NRG3: variants seen among roughly 807,000 people sequenced by gnomAD.
The protein encoded by NRG3 is pro-neuregulin-3, membrane-bound isoform.
NRG3 carries 31 observed loss-of-function variants against 66.9 expected under a neutral mutation model. The ratio of observed to expected loss-of-function variants is 0.46; its 90% CI spans 0.35 to 0.63. The LOEUF (loss-of-function observed/expected upper bound fraction) is 0.63, where lower values mean the gene tolerates loss of function less well. NRG3 is among the 20% of genes least tolerant of loss of function. The probability of loss-of-function intolerance (pLI) is 0.00; values close to 1 mark genes in which losing one functional copy is unlikely to be tolerated. For synonymous variants in NRG3, 393 were observed against 359.4 expected (o/e 1.09, Z -1.06); for missense variants, 910 against 878.9 (o/e 1.04, Z -0.45).
chr10:82,694,492 C>T (rs2055213188), intron 2 of NRG3, among the ~76,000 whole-genome samples: 1 of 152,140 alleles, frequency 6.6e-6, no homozygotes, highest in Non-Finnish European at 1.5e-5. Flanking sequence ...CAGTGGCTCA[C>T]TCCTGTAATC....
chr10:82,696,037 A>G (rs2055354965), intron 2 of NRG3, among the ~76,000 whole-genome samples: 1 of 152,118 alleles, frequency 6.6e-6, no homozygotes. Context: ...TGGATGCAAC[A>G]TTTCTTCAAT....
chr10:82,948,248 G>T (rs535157971), intron 4 of NRG3, among the ~76,000 whole-genome samples: 1 of 152,108 alleles, frequency 6.6e-6, no homozygotes, highest in Non-Finnish European at 1.5e-5. Context: ...TTATATTTCA[G>T]AACGCTTTTA....
intron 3 of NRG3, among the ~76,000 whole-genome samples, chr10:82,767,755 G>T (rs503555): frequency 0.8 from 122,114 of 151,906 alleles, 49,197 homozygotes; most frequent in Admixed American, 0.85. Flanking sequence ...GATATCAGAT[G>T]TCTCCTTTCC....
intron 2 of NRG3, among the ~76,000 whole-genome samples, chr10:82,698,472 A>T (rs1420313805): frequency 6.6e-6 from 1 of 152,186 alleles, no homozygotes; most frequent in Admixed American, 6.6e-5. Context: ...AAAATAACTT[A>T]CAATTGCAAA....
chr10:82,536,586 T>C (rs1847836901), intron 2 of NRG3, among the ~76,000 whole-genome samples: 1 of 152,192 alleles, frequency 6.6e-6, no homozygotes, highest in African/African-American at 2.4e-5. Context: ...AAAACTTTGG[T>C]GATCGACATG....
Position 81,882,698 on chromosome 10 carries a change from T to A in NRG3, c.823+6535T>A, listed in dbSNP as rs550145081. 4.1e-4 allele frequency among the ~76,000 whole-genome samples: 62 copies of A among 152,342 alleles called. 1 individual carries two copies. In the South Asian group the frequency reaches 0.012, roughly 30 times the overall value. Reference sequence around the variant, plus strand: ...ATTTTCATCCAAGAGCACATCAGACTATTGAATTCGGTTGAAATATTGGAG... The same window carrying A: ...ATTTTCATCCAAGAGCACATCAGACAATTGAATTCGGTTGAAATATTGGAG... On this transcript the variant is annotated intron_variant, in intron 1 of 8. Transcript: ENST00000372141.
chr10:81,910,986 A>G (rs1022180355), intron 1 of NRG3, among the ~76,000 whole-genome samples: 1 of 152,122 alleles, frequency 6.6e-6, no homozygotes, highest in Non-Finnish European at 1.5e-5. Flanking sequence ...ATTTTTCCAT[A>G]AGATTTCTCC....
chr10:82,871,284 C>CTT (rs34420488), intron 4 of NRG3, among the ~76,000 whole-genome samples: 1 of 146,316 alleles, frequency 6.8e-6, no homozygotes, highest in East Asian at 2.0e-4. Flanking sequence ...AACTATTTGT[C>CTT]TTTTTTTTTT....
intron 4 of NRG3, among the ~76,000 whole-genome samples, chr10:82,890,127 G>GTT (rs35591529): frequency 0.046 from 6,294 of 138,068 alleles, 182 homozygotes; most frequent in Middle Eastern, 0.095. Context: ...GATCTGCTAA[G>GTT]TTTTTTTTTT....
chr10:82,310,184 G>A (rs2080949855), intron 1 of NRG3, among the ~76,000 whole-genome samples: 1 of 152,136 alleles, frequency 6.6e-6, no homozygotes, highest in African/African-American at 2.4e-5. Context: ...CGACATTGCT[G>A]CAATATCATT....
chr10:82,601,674 G>A (rs2047639190), intron 2 of NRG3, among the ~76,000 whole-genome samples: 2 of 151,144 alleles, frequency 1.3e-5, no homozygotes, highest in South Asian at 4.2e-4. Flanking sequence ...TAATTTCTCG[G>A]TGGACCTTCC....
rs73309848 is a variant in NRG3, at chr10:82,523,188, T to C, written c.953+164320T>C. The stretch of plus-strand genomic sequence containing the variant: ...GATGGACATTTGAGTTATTTCACAT[T>C]TTGGCTATTATGAATAATGCTGCTA... On this transcript the variant is annotated intron_variant, in intron 2 of 8. Coordinates refer to ENST00000372141, the MANE Select transcript of NRG3 (RefSeq NM_001010848.4). 4.5e-3 allele frequency among the ~76,000 whole-genome samples: 679 copies of C among 152,314 alleles called. 5 individuals are homozygous for C. Among genetic ancestry groups the C allele is most frequent in the African/African-American group, 0.016 (654 of 41,582 alleles).
chr10:82,171,713 G>A (rs961950524), intron 1 of NRG3, among the ~76,000 whole-genome samples: 2 of 152,084 alleles, frequency 1.3e-5, no homozygotes, highest in African/African-American at 2.4e-5. Flanking sequence ...ATGCCTGGCT[G>A]CTTACATAAC....
chr10:82,092,501 CA>C (rs2066084940), intron 1 of NRG3, among the ~76,000 whole-genome samples: 2 of 151,698 alleles, frequency 1.3e-5, no homozygotes, highest in Admixed American at 1.3e-4. Context: ...AATCTTCAGT[CA>C]TCTGTCATGT....
At chr10:82,069,799 A>G (rs1487715981) in intron 1 of NRG3, among the ~76,000 whole-genome samples, 1 of 152,190 alleles carries the variant, frequency 6.6e-6, no homozygotes, top group African/African-American at 2.4e-5. Flanking sequence ...TGGTAAATTA[A>G]TTGGTACAAA....
chr10:82,862,705 C>T lies in NRG3; in HGVS notation c.1028-2706C>T, dbSNP rs1008860664. Among the ~76,000 whole-genome samples the T allele has an allele frequency of 1.1e-4, 17 of 152,074 alleles. No homozygotes were observed. In the East Asian group the frequency reaches 1.2e-3, roughly 10 times the overall value. On this transcript the variant is annotated intron_variant, in intron 3 of 8. Coordinates refer to ENST00000372141, the MANE Select transcript of NRG3 (RefSeq NM_001010848.4). ...GTTGCACCTCACTTTGCAATACTTTCGCTTTGATATAAACTTCTTTGTCTA... is the reference window on the plus strand; with the variant it reads ...GTTGCACCTCACTTTGCAATACTTTTGCTTTGATATAAACTTCTTTGTCTA...
At chr10:82,290,457 A>T (rs1335751881) in intron 1 of NRG3, among the ~76,000 whole-genome samples, 1 of 152,194 alleles carries the variant, frequency 6.6e-6, no homozygotes, top group Non-Finnish European at 1.5e-5. Context: ...CAATGAACTA[A>T]CGTGATTTTC....
intron 2 of NRG3, among the ~76,000 whole-genome samples, chr10:82,585,545 C>T (rs1004706848): frequency 3.3e-5 from 5 of 152,124 alleles, no homozygotes; most frequent in African/African-American, 4.8e-5. Flanking sequence ...CCCTCTTCTC[C>T]GGCTACACAG....
At chr10:82,892,665 C>CAATAAATAAATA (rs369613241) in intron 4 of NRG3, among the ~76,000 whole-genome samples, 60 of 146,636 alleles carry the variant, frequency 4.1e-4, no homozygotes, top group African/African-American at 8.6e-4. Context: ...TAACCTGTCT[C>CAATAAATAAATA]AATAAATAAA....
Sources: gnomAD v4.1 joint callset for allele counts (sites outside exome capture counted in the v4.1 genomes callset) on GRCh38, gnomAD v4.1.1 for gene constraint, MANE v1.5 for transcripts, NCBI Gene and HGNC (gene_info 2026-07-23, HGNC 2026-07-21) for gene names.